Variants in ZFAT observed in about 807,000 individuals in gnomAD.
ZFAT encodes zinc finger protein ZFAT.
ZFAT carries 64 observed loss-of-function variants against 117.7 expected under a neutral mutation model. The ratio of observed to expected loss-of-function variants is 0.54; its 90% CI spans 0.44 to 0.67. ZFAT has a LOEUF of 0.67. ZFAT is among the 30% of genes least tolerant of loss of function. The pLI, the probability that ZFAT is intolerant of heterozygous loss-of-function variation, is 0.00. For missense variants in ZFAT, 1,433 were observed against 1,584.5 expected, an observed-to-expected ratio of 0.90 and a Z score of 1.62; for synonymous variants, 679 against 615.0, an observed-to-expected ratio of 1.10 and a Z score of -1.54.
intron 11 of ZFAT, among the ~76,000 whole-genome samples, chr8:134,545,472 T>C (rs1389920547): frequency 2.0e-5 from 3 of 152,098 alleles, no homozygotes; most frequent in Non-Finnish European, 2.9e-5. Context: ...CTGGGCAACA[T>C]AGCACGACTC....
chr8:134,741,826 A>T, the ZFAT span, among the ~76,000 whole-genome samples: 1 of 152,040 alleles, frequency 6.6e-6, no homozygotes. Flanking sequence ...TGATGCCAGT[A>T]GAATGGCAAT....
chr8:134,771,171 G>T, the ZFAT span, among the ~76,000 whole-genome samples: 1 of 152,306 alleles, frequency 6.6e-6, no homozygotes, highest in East Asian at 1.9e-4. Context: ...AGTTTTTGTG[G>T]CTTGTGAGGC....
the ZFAT span, among the ~76,000 whole-genome samples, chr8:134,740,221 A>G: frequency 6.6e-6 from 1 of 152,182 alleles, no homozygotes; most frequent in Non-Finnish European, 1.5e-5. Context: ...TTCTAGGAAG[A>G]GTGAGTGAGG....
At position 134,600,736 on chromosome 8, in the gene ZFAT, T is replaced by A; in HGVS notation, c.2243-68A>T. On this transcript the variant is annotated intron_variant, in intron 6 of 15. Transcript: ENST00000377838. ...GACTGATTTTGAATTTTTTAAATTA[T>A]TATTATTTTTTATCTACAATATCTA... 3.2e-6 allele frequency: 4 copies of A among 1,232,306 alleles called. No individual in the cohort carries two copies. In the South Asian group the frequency reaches 6.7e-5, roughly 21 times the overall value. 76.3% of individuals were successfully genotyped at this position (1,232,306 alleles called of 1,614,324 possible). A position where few individuals can be genotyped will look rare whatever the true frequency, so the allele number is the denominator to read the frequency against.
At chr8:134,713,161 C>A (rs753086960), upstream of ZFAT, 85 of 312,064 alleles carry the variant, frequency 2.7e-4, no homozygotes, top group Non-Finnish European at 4.0e-4. Flanking sequence ...AGTCGGAGGC[C>A]GTGCTTTTTA....
chr8:134,690,710 C>T (rs1426715869), intron 1 of ZFAT, among the ~76,000 whole-genome samples: 1 of 152,172 alleles, frequency 6.6e-6, no homozygotes, highest in Non-Finnish European at 1.5e-5. Flanking sequence ...CCATCCCCAG[C>T]CTACCAAAAT....
chr8:134,633,988 G>C (rs1039539403), intron 3 of ZFAT, among the ~76,000 whole-genome samples: 1 of 152,174 alleles, frequency 6.6e-6, no homozygotes, highest in Non-Finnish European at 1.5e-5. Flanking sequence ...AGAGGTTGCA[G>C]TGAGCTGAGA....
the ZFAT span, among the ~76,000 whole-genome samples, chr8:134,806,438 TACA>T: frequency 6.6e-6 from 1 of 152,220 alleles, no homozygotes; most frequent in African/African-American, 2.4e-5. Context: ...AGTGGCTATT[TACA>T]ACAACAACTA....
At chr8:134,815,541 C>T in the ZFAT span, among the ~76,000 whole-genome samples, 1 of 152,192 alleles carries the variant, frequency 6.6e-6, no homozygotes, top group Non-Finnish European at 1.5e-5. Flanking sequence ...AGTGGCTTCT[C>T]TCTGCACCTA....
Position 134,657,681 on chromosome 8 carries a change from C to T in ZFAT, c.76G>A (p.Glu26Lys), listed in dbSNP as rs201873553. 115 of 1,614,112 alleles carry T rather than the reference C, an allele frequency of 7.1e-5. 2 individuals carry two copies. In the Admixed American group the frequency reaches 1.6e-3, roughly 22 times the overall value. The part of the protein sequence containing the change: ...CCNLFSPNQS[E>K]LLSHVSEKHM... ...TTCTCTGAAACGTGGGAGAGGAGTT[C>T]CGACTGATTTGGTGAGAAGAGGTTA... Residue 26 changes from glutamate to lysine, a missense_variant, in exon 2 of 16, where the codon GAA (glutamate) becomes AAA (lysine). Coordinates refer to ENST00000377838, the MANE Select transcript of ZFAT (RefSeq NM_020863.4).
chr8:134,556,982 A>T (rs1823673214), intron 11 of ZFAT, among the ~76,000 whole-genome samples: 1 of 151,904 alleles, frequency 6.6e-6, no homozygotes, highest in African/African-American at 2.4e-5. Flanking sequence ...ATGTATTTTT[A>T]AAATATTTTA....
chr8:134,602,970 C>A (rs1827626590), intron 5 of ZFAT, 37 bp from the exon 6 acceptor site: 3 of 1,564,814 alleles, frequency 1.9e-6, no homozygotes, highest in Non-Finnish European at 2.6e-6. Flanking sequence ...ATCTGGAGAC[C>A]TTGAATGTTC....
Position 134,601,496 on chromosome 8 carries a change from G to A in ZFAT, c.2223C>T (p.Asp741=). Residue 741 remains aspartate (D), a synonymous_variant, in exon 6 of 16, where the codon GAC becomes GAT. Transcript: ENST00000377838. ...LCERIRKVYG[D]LECEYCGKLF... is the part of the protein sequence containing the mutation. ...CCTTACCACAGTATTCACACTCCAG[G>A]TCTCCATAAACCTTCCGGATCCGCT... 6.2e-7 allele frequency: 1 copy of A among 1,612,644 alleles called. No homozygotes were observed. The highest frequency in any genetic ancestry group is 8.5e-7 in the Non-Finnish European group (1 of 1,178,988).
At chr8:134,574,736 G>A (rs900621258) in intron 10 of ZFAT, among the ~76,000 whole-genome samples, 1 of 151,994 alleles carries the variant, frequency 6.6e-6, no homozygotes, top group Admixed American at 6.5e-5. Context: ...AAAGTACTTA[G>A]AGGAAAGAAT....
rs1422546753 is a variant in ZFAT, at chr8:134,565,575, A to G, written c.2888-154T>C. On this transcript the variant is annotated intron_variant, in intron 10 of 15. Transcript: ENST00000377838. ...AACAGCGACGAGGTGCACAGGCACA[A>G]TGCAGCATGCTCAGTCTTCAACAGG... 1.2e-5 allele frequency: 9 copies of G among 756,148 alleles called. No homozygotes were observed. In the Admixed American group the frequency reaches 1.7e-4, roughly 14 times the overall value. 46.8% of individuals were successfully genotyped at this position (756,148 alleles called of 1,614,324 possible). A position where few individuals can be genotyped will look rare whatever the true frequency, so the allele number is the denominator to read the frequency against.
chr8:134,779,178 CTTGT>C, the ZFAT span, among the ~76,000 whole-genome samples: 1 of 152,180 alleles, frequency 6.6e-6, no homozygotes, highest in Non-Finnish European at 1.5e-5. Context: ...GAGAAAGTGT[CTTGT>C]TTTTTTCCTC....
intron 1 of ZFAT, among the ~76,000 whole-genome samples, chr8:134,668,317 C>T (rs138975084): frequency 6.6e-6 from 1 of 152,200 alleles, no homozygotes; most frequent in Admixed American, 6.5e-5. Flanking sequence ...CAAGTGGGTC[C>T]CTGACCCCTG....
At chr8:134,812,908 A>T in the ZFAT span, among the ~76,000 whole-genome samples, 1 of 152,224 alleles carries the variant, frequency 6.6e-6, no homozygotes, top group Non-Finnish European at 1.5e-5. Flanking sequence ...TTTGTAAATG[A>T]GAAATGAGAG....
At chr8:134,737,543 C>CGTG in the ZFAT span, among the ~76,000 whole-genome samples, 103 of 152,252 alleles carry the variant, frequency 6.8e-4, no homozygotes, top group East Asian at 2.7e-3. Flanking sequence ...AAGGTCAAAG[C>CGTG]AAAGAGTAAT....
Sources: allele counts gnomAD v4.1 joint callset (sites outside exome capture counted in the v4.1 genomes callset), GRCh38; gene constraint gnomAD v4.1.1; transcripts MANE v1.5; gene names NCBI Gene and HGNC (gene_info 2026-07-23, HGNC 2026-07-21).